The following CUL5 variants were observed in gnomAD, a reference collection of about 807,000 sequenced individuals.
CUL5 encodes the protein cullin 5.
CUL5 carries 26 observed loss-of-function variants against 108.8 expected under a neutral mutation model. The observed-to-expected ratio is 0.24, with a 90% CI of 0.18 to 0.33. The LOEUF (loss-of-function observed/expected upper bound fraction) is 0.33, where lower values mean the gene tolerates loss of function less well. Among genes scored for constraint, CUL5 ranks in the 10% least tolerant of loss-of-function variants. The pLI is 1.00. For synonymous variants in CUL5, 334 were observed against 298.0 expected (o/e 1.12, Z -1.25); for missense variants, 524 against 909.2 (o/e 0.58, Z 5.45).
At position 108,032,637 on chromosome 11, in the gene CUL5, A is replaced by G. The variant is rs192310977; in HGVS notation, c.25-1165A>G. ...AATGTAATTGATCATTATTTTTCCT[A>G]ATATTGCACTACTTTTACATTCCAG... On this transcript the variant is annotated intron_variant, in intron 1 of 18. Transcript: ENST00000393094. 5.5e-4 allele frequency among the ~76,000 whole-genome samples: 84 copies of G among 152,146 alleles called. No individual in the cohort carries two copies. In the East Asian group the frequency reaches 0.014, roughly 25 times the overall value.
intron 7 of CUL5, among the ~76,000 whole-genome samples, chr11:108,059,172 C>G (rs895815147): frequency 1.2e-4 from 19 of 152,090 alleles, no homozygotes; most frequent in Admixed American, 7.9e-4. Flanking sequence ...GCAACCACAC[C>G]CAGCTTTAAG....
intron 8 of CUL5, among the ~76,000 whole-genome samples, 181 bp downstream of exon 8, chr11:108,070,370 T>C (rs1195981272): frequency 1.3e-5 from 2 of 152,176 alleles, no homozygotes; most frequent in African/African-American, 4.8e-5. Context: ...TAAGAGTATA[T>C]AAACTTAAAT....
Position 108,030,847 on chromosome 11 carries a change from T to C in CUL5, c.25-2955T>C, listed in dbSNP as rs557974828. Among the ~76,000 whole-genome samples the C allele has an allele frequency of 7.9e-5, 12 of 152,314 alleles. 1 individual carries two copies. In the South Asian group the frequency reaches 2.1e-3, roughly 26 times the overall value. On this transcript the variant is annotated intron_variant, in intron 1 of 18. Transcript: ENST00000393094. ...ATCATGAATTTGATAAACATGCAGA[T>C]TGTGGACTAACTTCAAGAGATTCCG...
At chr11:108,088,171 A>C (rs970859205) in intron 11 of CUL5, among the ~76,000 whole-genome samples, 3 of 152,334 alleles carry the variant, frequency 2.0e-5, no homozygotes, top group Non-Finnish European at 1.5e-5. Flanking sequence ...AAATGTTAAC[A>C]TAAATATCCA....
Position 108,017,488 on chromosome 11 carries a change from T to C in CUL5, c.24+8116T>C, listed in dbSNP as rs117489632. 6.1e-3 allele frequency among the ~76,000 whole-genome samples: 918 copies of C among 151,596 alleles called. 4 individuals are homozygous for C. The highest frequency in any genetic ancestry group is 0.01 in the Non-Finnish European group (704 of 67,930). ...TATCCTGATGGATGAATACTGACAC[T>C]AAAGACATAAAGAATACACTTGCAT... is the stretch of plus-strand genomic sequence containing the variant. On this transcript the variant is annotated intron_variant, in intron 1 of 18. Coordinates refer to ENST00000393094, the MANE Select transcript of CUL5 (RefSeq NM_003478.6).
At chr11:108,017,571 C>T (rs990174879) in intron 1 of CUL5, among the ~76,000 whole-genome samples, 15 of 151,850 alleles carry the variant, frequency 9.9e-5, no homozygotes, top group African/African-American at 3.1e-4. Context: ...TGTTCAAGGC[C>T]GGATGCGGAG....
At chr11:108,040,633 AAATT>A (rs1862876510) in intron 2 of CUL5, among the ~76,000 whole-genome samples, 1 of 125,304 alleles carries the variant, frequency 8.0e-6, no homozygotes, top group African/African-American at 2.7e-5. Context: ...AAAAAAAAAA[AAATT>A]AGCCAGTCGT....
intron 11 of CUL5, among the ~76,000 whole-genome samples, chr11:108,088,223 A>G (rs1268878230): frequency 1.3e-5 from 2 of 152,110 alleles, no homozygotes; most frequent in African/African-American, 4.8e-5. Flanking sequence ...CAGATTTCTG[A>G]AAAAAAATTT....
intron 18 of CUL5, among the ~76,000 whole-genome samples, chr11:108,099,005 CT>C (rs4027717): frequency 2.9e-4 from 38 of 133,088 alleles, no homozygotes; most frequent in African/African-American, 5.6e-4. Context: ...GGCCAGTGTA[CT>C]TTTTTTTTTT....
chr11:108,081,012 C>G (rs1439532235), intron 11 of CUL5, among the ~76,000 whole-genome samples: 3 of 151,864 alleles, frequency 2.0e-5, no homozygotes, highest in African/African-American at 7.3e-5. Context: ...TAGGGCCGGG[C>G]ACAGTGGCTC....
chr11:108,045,033 G>T (rs971327732), intron 2 of CUL5, among the ~76,000 whole-genome samples: 3 of 152,130 alleles, frequency 2.0e-5, no homozygotes, highest in Non-Finnish European at 4.4e-5. Flanking sequence ...CAAGTGCTTG[G>T]ATTACAGGCT....
chr11:108,030,552 G>C (rs767632295), intron 1 of CUL5, among the ~76,000 whole-genome samples: 4 of 152,166 alleles, frequency 2.6e-5, no homozygotes, highest in Non-Finnish European at 5.9e-5. Flanking sequence ...CAGGAGAATC[G>C]CTTGAACCCG....
At chr11:108,038,118 C>G (rs1213308608) in intron 2 of CUL5, among the ~76,000 whole-genome samples, 4 of 152,004 alleles carry the variant, frequency 2.6e-5, no homozygotes, top group Non-Finnish European at 4.4e-5. Context: ...CAGCTGAGGC[C>G]TTTTAAAGCT....
chr11:108,097,961 CATT>C (rs1335822016), intron 17 of CUL5, among the ~76,000 whole-genome samples: 1 of 152,112 alleles, frequency 6.6e-6, no homozygotes, highest in African/African-American at 2.4e-5. Flanking sequence ...TGGTCTCTGA[CATT>C]ATACTGTATT....
chr11:108,083,852 T>G (rs777132097), intron 11 of CUL5, among the ~76,000 whole-genome samples: 4 of 152,168 alleles, frequency 2.6e-5, no homozygotes, highest in Non-Finnish European at 5.9e-5. Flanking sequence ...GTGTGGCTAT[T>G]GGAGGTGTGG....
rs1333437759 is a variant in CUL5 at position 108,033,828 on chromosome 11, C to T, written c.51C>T (p.Asp17=). ...ATAAAGGTTCTCTTCAGTTTGAAGA[C>T]AAATGGGATTTTATGCGCCCGATTG... ...LKNKGSLQFE[D]KWDFMRPIVL... The change falls in exon 2 of 19, where the codon GAC becomes GAT. Residue 17 remains aspartate (D), a synonymous_variant. Transcript: ENST00000393094. The T allele has an allele frequency of 1.9e-6, 3 of 1,606,656 alleles. No individual in the cohort carries two copies. Among genetic ancestry groups the T allele is most frequent in the Non-Finnish European group, 1.7e-6 (2 of 1,174,784 alleles).
intron 7 of CUL5, among the ~76,000 whole-genome samples, chr11:108,064,643 GAGCTTGC>G (rs1289757780): frequency 6.6e-6 from 1 of 152,158 alleles, no homozygotes; most frequent in African/African-American, 2.4e-5. Context: ...TTGGGAGGTG[GAGCTTGC>G]AGTGAGCCAA....
intron 7 of CUL5, among the ~76,000 whole-genome samples, chr11:108,056,901 C>G (rs1480335650): frequency 6.6e-6 from 1 of 152,040 alleles, no homozygotes; most frequent in East Asian, 1.9e-4. Context: ...GAGGTTTCAG[C>G]CAAGGAGAAC....
At chr11:108,091,689 T>TCTCA (rs938486370) in intron 13 of CUL5, among the ~76,000 whole-genome samples, 1 of 76,610 alleles carries the variant, frequency 1.3e-5, no homozygotes, top group Non-Finnish European at 2.8e-5. Context: ...ATCCTGTCTC[T>TCTCA]CTCACTCACA....
Sources: gnomAD v4.1 joint callset for allele counts (sites outside exome capture counted in the v4.1 genomes callset) on GRCh38, gnomAD v4.1.1 for gene constraint, MANE v1.5 for transcripts, NCBI Gene and HGNC (gene_info 2026-07-23, HGNC 2026-07-21) for gene names.